The following FLT4 variants were observed in gnomAD, a reference collection of about 807,000 sequenced individuals.
The protein encoded by FLT4 is vascular endothelial growth factor receptor 3.
Under a neutral mutation model 163.2 loss-of-function variants are expected in FLT4, and 30 were observed. The ratio of observed to expected loss-of-function variants is 0.18; its 90% confidence interval spans 0.14 to 0.25. FLT4 has a LOEUF of 0.25. Among genes scored for constraint, FLT4 ranks in the 10% least tolerant of loss-of-function variants. FLT4 has a pLI of 1.00. For synonymous variants in FLT4, 884 were observed against 789.5 expected (o/e 1.12, Z -2.01); for missense variants, 1,510 against 1,863.8 (o/e 0.81, Z 3.50).
intron 1 of FLT4, among the ~76,000 whole-genome samples, chr5:180,646,727 G>A (rs529412766): frequency 4.7e-4 from 72 of 151,982 alleles, no homozygotes; most frequent in African/African-American, 7.0e-4. Flanking sequence ...GGGCCACCCC[G>A]AACAGGCACT....
At chr5:180,606,059 C>T (rs1217743555) in intron 29 of FLT4, among the ~76,000 whole-genome samples, 2 of 152,216 alleles carry the variant, frequency 1.3e-5, no homozygotes, top group Admixed American at 6.5e-5. Context: ...TTCTGTATGC[C>T]AAGCGGATGC....
intron 7 of FLT4, 42 bp from the exon 8 acceptor site, chr5:180,629,041 G>C (rs373302156): frequency 6.4e-7 from 1 of 1,550,582 alleles, no homozygotes; most frequent in Non-Finnish European, 8.9e-7. Flanking sequence ...GGACTGACCC[G>C]TCGTGGACTG....
rs374274961 is a variant in FLT4 at position 180,621,158 on chromosome 5, G to A, written c.2115C>T (p.His705=). The A allele has an allele frequency of 2.4e-5, 38 of 1,612,690 alleles. No individual in the cohort carries two copies. The highest frequency in any genetic ancestry group is 3.1e-5 in the Non-Finnish European group (37 of 1,179,998). The change falls in exon 14 of 30, where the codon CAC becomes CAT. Residue 705 remains histidine, a synonymous_variant. Transcript: ENST00000261937. The part of the protein sequence containing the change: ...LEMQCLVAGA[H]APSIVWYKDE... ...CTTTGTACCACACGATGCTGGGCGC[G>A]TGCGCTCCGGCCACCAAGCACTGCA... is the stretch of plus-strand genomic sequence containing the variant.
Position 180,631,769 on chromosome 5 carries a change from C to T in FLT4, c.68G>A (p.Ser23Asn), listed in dbSNP as rs892416632. ...LCLGLLDGLV[S>N]GYSMTPPTLN... ...GGTCGGGGGGGTCATGGAGTAGCCA[C>T]TCACCAGGCCTGGGGTGGGAGACAG... The change falls in exon 2 of 30, where the codon AGT becomes AAT. Residue 23 changes from serine (S) to asparagine (N), a missense_variant. Ser to Asn is a conservative substitution (Grantham distance 46, BLOSUM62 1). Coordinates refer to ENST00000261937, the MANE Select transcript of FLT4 (RefSeq NM_182925.5). 2 of 1,609,150 alleles carry T rather than the reference C, an allele frequency of 1.2e-6. No individual in the cohort carries two copies. Among genetic ancestry groups the T allele is most frequent in the Non-Finnish European group, 1.7e-6 (2 of 1,179,340 alleles).
rs745580922 is a variant in FLT4 at position 180,620,306 on chromosome 5, C to T, written c.2409G>A (p.Pro803=). 7 of 1,610,842 alleles carry T rather than the reference C, an allele frequency of 4.3e-6. No individual in the cohort carries two copies. The highest frequency in any genetic ancestry group is 1.3e-5 in the African/African-American group (1 of 74,818). ...LLLIFCNMRR[P]AHADIKTGYL... ...AGCCCGTCTTGATGTCTGCGTGGGCCGGCTGCGGGGAGGGGACAGGGAGGA... is the reference window on the plus strand; with the variant it reads ...AGCCCGTCTTGATGTCTGCGTGGGCTGGCTGCGGGGAGGGGACAGGGAGGA... Residue 803 remains proline (P), a splice_region_variant and synonymous_variant, in exon 17 of 30, where the codon CCG becomes CCA. Transcript: ENST00000261937. This position sits in a 1 kb window ranked among gnomAD's most constrained non-coding sequence, Gnocchi z 4.4.
Position 180,620,433 on chromosome 5 carries a change from GA to G in FLT4, c.2407-126del. 10 of 1,366,296 alleles carry G rather than the reference GA, an allele frequency of 7.3e-6. No homozygotes were observed. The highest frequency in any genetic ancestry group is 2.3e-5 in the East Asian group (1 of 43,472). The allele number at this position is 1,366,296 out of a possible 1,614,324, so 84.6% of individuals were successfully genotyped here. A position where few individuals can be genotyped will look rare whatever the true frequency, so the allele number is the denominator to read the frequency against. On this transcript the variant is annotated intron_variant, in intron 16 of 29. Coordinates refer to ENST00000261937, the MANE Select transcript of FLT4 (RefSeq NM_182925.5). The surrounding 1 kb of genome is among the most constrained non-coding windows in gnomAD (Gnocchi z 4.4). ...GGGGTTCTCAGTCAAGGAGGGGACA[GA>G]AAAAAAGACAGACAACCTCTGCGGG...
At chr5:180,644,893 G>A (rs1397865934) in intron 1 of FLT4, among the ~76,000 whole-genome samples, 11 of 152,358 alleles carry the variant, frequency 7.2e-5, no homozygotes, top group South Asian at 2.1e-4. Flanking sequence ...CACTGTGAGC[G>A]GGAACGAAGC....
Position 180,621,675 on chromosome 5 carries a change from A to C in FLT4, c.1887T>G (p.Pro629=). Residue 629 remains proline (P), a synonymous_variant, in exon 13 of 30, where the codon CCT becomes CCG. Coordinates refer to ENST00000261937, the MANE Select transcript of FLT4 (RefSeq NM_182925.5). ...PLAASLEEVA[P]GARHATLSLS... is the part of the protein sequence containing the mutation. ...GGCTGAGCGTGGCGTGGCGCGCCCC[A>C]GGTGCCACCTCCTCCAGGCTGGCGG... 6.2e-7 allele frequency: 1 copy of C among 1,611,082 alleles called. No homozygotes were observed. Among genetic ancestry groups the C allele is most frequent in the Non-Finnish European group, 8.5e-7 (1 of 1,178,648 alleles).
intron 22 of FLT4, 56 bp from the exon 23 acceptor site, chr5:180,616,545 C>T (rs1348932121): frequency 3.8e-5 from 61 of 1,603,138 alleles, no homozygotes; most frequent in Non-Finnish European, 4.9e-5. Context: ...GGGGTAATAC[C>T]CACACCCGAA....
At chr5:180,611,060 AAAAT>A (rs1168258778) in intron 27 of FLT4, among the ~76,000 whole-genome samples, 5 of 152,202 alleles carry the variant, frequency 3.3e-5, no homozygotes, top group South Asian at 2.1e-4. Context: ...CCGTCTCAAA[AAAAT>A]AAATAAATAA....
chr5:180,629,875 A>G lies in FLT4; in HGVS notation c.677-40T>C, dbSNP rs766554519. On this transcript the variant is annotated intron_variant, in intron 5 of 29. Transcript: ENST00000261937. ...ACAGTGACTCCCACGCCCTCACAGG[A>G]CGACACCCACTGAGGCCAGTGAGGC... 4 of 1,612,466 alleles carry G rather than the reference A, an allele frequency of 2.5e-6. No homozygotes were observed. In the South Asian group the frequency reaches 3.3e-5, roughly 13 times the overall value.
Position 180,627,853 on chromosome 5 carries a change from A to T in FLT4, c.1103+1029T>A, listed in dbSNP as rs3822406. 0.027 allele frequency among the ~76,000 whole-genome samples: 4,139 copies of T among 152,270 alleles called. 458 individuals carry two copies. The East Asian group carries it at 0.39, about 14-fold the overall frequency. On this transcript the variant is annotated intron_variant, in intron 8 of 29. Transcript: ENST00000261937. ...GGCTCCAGGATCTGCCAGTGCCCTC[A>T]GGACTCTGCCCCAAGGGCCTTGGCA... is the stretch of plus-strand genomic sequence containing the variant.
chr5:180,626,772 A>G (rs1354236167), intron 8 of FLT4, among the ~76,000 whole-genome samples: 1 of 152,210 alleles, frequency 6.6e-6, no homozygotes, highest in African/African-American at 2.4e-5. Context: ...GCTCCTTGAC[A>G]TGTGCGTGGC....
In FLT4 at chr5:180,636,551, TCCCCCCCA is replaced by T. The variant is rs1035801353; in HGVS notation, c.59-4781_59-4774del. ...GCTGACCGTAGCTCCTGGCTCACCA[TCCCCCCCA>T]CCCCAGCTCCTGCCCTTCTCCATGA... On this transcript the variant is annotated intron_variant, in intron 1 of 29. Transcript: ENST00000261937. The surrounding 1 kb of genome is among the most constrained non-coding windows in gnomAD (Gnocchi z 4.3). 8.4e-6 allele frequency among the ~76,000 whole-genome samples: 1 copy of T among 118,830 alleles called. No homozygotes were observed. The highest frequency in any genetic ancestry group is 1.7e-5 in the Non-Finnish European group (1 of 58,520). The allele number at this position is 118,830 out of a possible 152,430, so 78.0% of individuals were successfully genotyped here. A position where few individuals can be genotyped will look rare whatever the true frequency, so the allele number is the denominator to read the frequency against.
intron 11 of FLT4, 86 bp from the exon 12 acceptor site, chr5:180,622,925 A>AC (rs201607334): frequency 0.33 from 176,025 of 528,890 alleles, 7,562 homozygotes; most frequent in Non-Finnish European, 0.37. Context: ...GTCGCTGTGC[A>AC]CCACCCCCCC....
chr5:180,619,580 C>T (rs777982617), intron 18 of FLT4, 85 bp downstream of exon 18: 10 of 1,155,474 alleles, frequency 8.7e-6, no homozygotes, highest in Admixed American at 6.7e-5. Flanking sequence ...CTCAGTCTCC[C>T]TTCCCGAGTT....
rs2127811819 is a variant in FLT4 at position 180,620,615 on chromosome 5, C to T, written c.2400G>A (p.Met800Ile). Residue 800 changes from methionine to isoleucine, a missense_variant, in exon 16 of 30, where the codon ATG becomes ATA. Physicochemically the swap from Met to Ile is conservative, Grantham distance 10. Transcript: ENST00000261937. The surrounding 1 kb of genome is among the most constrained non-coding windows in gnomAD (Gnocchi z 4.4). ...AGCGGGGAGGGACACTCACCCTCCT[C>T]ATGTTACAGAAGATGAGGAGGAGGA... Reference protein sequence around the residue: ...WVLLLLIFCNMRRPAHADIKT... With the variant: ...WVLLLLIFCNIRRPAHADIKT... 6.2e-7 allele frequency: 1 copy of T among 1,610,162 alleles called. No homozygotes were observed. The highest frequency in any genetic ancestry group is 1.1e-5 in the South Asian group (1 of 91,014).
chr5:180,626,907 TG>T (rs1763662620), intron 8 of FLT4, among the ~76,000 whole-genome samples: 1 of 152,244 alleles, frequency 6.6e-6, no homozygotes, highest in African/African-American at 2.4e-5. Context: ...CTCCTTCATT[TG>T]GGTGGGGGCG....
rs892473230 is a variant in FLT4, at chr5:180,623,658, G to A, written c.1548+277C>T. ...CCCCTCCTGGTCCTGGGGCCTGTGG[G>A]CCTCAGGGGCTCATGGCCTGGCCAG... On this transcript the variant is annotated intron_variant, in intron 11 of 29. Transcript: ENST00000261937. This position sits in a 1 kb window ranked among gnomAD's most constrained non-coding sequence, Gnocchi z 5.8. Among the ~76,000 whole-genome samples, 1 of 152,198 alleles carries A rather than the reference G, an allele frequency of 6.6e-6. No individual in the cohort carries two copies. Among genetic ancestry groups the A allele is most frequent in the African/African-American group, 2.4e-5 (1 of 41,458 alleles).
Sources: gnomAD v4.1 joint callset for allele counts (sites outside exome capture counted in the v4.1 genomes callset) on GRCh38, gnomAD v4.1.1 for gene constraint, Gnocchi (gnomAD v3.1) non-coding constraint, MANE v1.5 for transcripts, NCBI Gene and HGNC (gene_info 2026-07-23, HGNC 2026-07-21) for gene names.